Variants in DGKB observed in about 807,000 individuals in gnomAD.
DGKB encodes diacylglycerol kinase beta.
A neutral mutation model predicts 114.3 loss-of-function variants in DGKB; 67 were observed. That is an observed-to-expected ratio of 0.59 (90% CI 0.48 to 0.72). The LOEUF (loss-of-function observed/expected upper bound fraction) is 0.72, where lower values mean the gene tolerates loss of function less well. Among genes scored for constraint, DGKB ranks in the 30% least tolerant of loss-of-function variants. The pLI is 0.00. For synonymous variants in DGKB, 398 were observed against 323.1 expected, an observed-to-expected ratio of 1.23 and a Z score of -2.49; for missense variants, 907 against 975.2, an observed-to-expected ratio of 0.93 and a Z score of 0.93.
chr7:14,928,397 C>A (rs1166673718), intron 1 of DGKB, among the ~76,000 whole-genome samples: 2 of 151,898 alleles, frequency 1.3e-5, no homozygotes, highest in African/African-American at 4.8e-5. Context: ...AAATATATAT[C>A]TTGTTTCCTC....
intron 1 of DGKB, among the ~76,000 whole-genome samples, chr7:14,872,554 T>A: frequency 6.6e-6 from 1 of 152,284 alleles, no homozygotes; most frequent in Admixed American, 6.5e-5. Flanking sequence ...GGATAAATTT[T>A]GGTTAAACGA....
At chr7:14,622,132 C>T (rs1413031138) in intron 14 of DGKB, among the ~76,000 whole-genome samples, 5 of 152,034 alleles carry the variant, frequency 3.3e-5, no homozygotes, top group African/African-American at 4.8e-5. Context: ...CACCAATGAC[C>T]GTCTCAGTTT....
At chr7:14,444,880 T>C (rs964895077) in intron 21 of DGKB, among the ~76,000 whole-genome samples, 1 of 151,856 alleles carries the variant, frequency 6.6e-6, no homozygotes, top group African/African-American at 2.4e-5. Context: ...ATATAAATAA[T>C]ATACTGTCAA....
intron 23 of DGKB, among the ~76,000 whole-genome samples, chr7:14,284,646 T>A (rs898493547): frequency 6.8e-6 from 1 of 147,350 alleles, no homozygotes; most frequent in Non-Finnish European, 1.5e-5. Flanking sequence ...ATTAAGAAAA[T>A]GTGGCACATA....
At chr7:14,154,140 T>G (rs979401589) in intron 25 of DGKB, among the ~76,000 whole-genome samples, 1 of 147,728 alleles carries the variant, frequency 6.8e-6, no homozygotes, top group Non-Finnish European at 1.5e-5. Context: ...ACAAAAGGAG[T>G]GTGGATAATA....
At chr7:14,187,327 C>T (rs1389660418) in intron 23 of DGKB, among the ~76,000 whole-genome samples, 1 of 152,136 alleles carries the variant, frequency 6.6e-6, no homozygotes. Context: ...CAGATAGCCA[C>T]AGGCCTGCTT....
intron 2 of DGKB, 28 bp from the exon 3 acceptor site, chr7:14,757,759 G>A (rs1835099951): frequency 7.5e-7 from 1 of 1,334,554 alleles, no homozygotes; most frequent in Non-Finnish European, 1.1e-6. Context: ...CACAAAAATT[G>A]TTTATATGCA....
At chr7:14,488,106 T>C (rs1784092759) in intron 20 of DGKB, among the ~76,000 whole-genome samples, 1 of 152,132 alleles carries the variant, frequency 6.6e-6, no homozygotes, top group Non-Finnish European at 1.5e-5. Context: ...AGATTTTAAT[T>C]AAGTTTTAAT....
intron 2 of DGKB, chr7:14,814,129 G>C (rs569357417): frequency 2.0e-5 from 3 of 152,282 alleles, no homozygotes; most frequent in East Asian, 3.9e-4. Flanking sequence ...AAGCCAACTA[G>C]AGACTGGTTC....
At chr7:14,804,598 A>G (rs1217709009) in intron 2 of DGKB, among the ~76,000 whole-genome samples, 1 of 151,802 alleles carries the variant, frequency 6.6e-6, no homozygotes, top group Non-Finnish European at 1.5e-5. Context: ...TAATCTTTCA[A>G]ATATCAACTC....
intron 25 of DGKB, among the ~76,000 whole-genome samples, chr7:14,167,210 C>CAAAA (rs34278386): frequency 0.36 from 35,135 of 98,762 alleles, 6,603 homozygotes; most frequent in South Asian, 0.47. Context: ...GACTCCATCT[C>CAAAA]AAAAAAAAAA....
chr7:14,183,358 G>A (rs1782918052), intron 23 of DGKB, among the ~76,000 whole-genome samples: 1 of 152,084 alleles, frequency 6.6e-6, no homozygotes, highest in African/African-American at 2.4e-5. Context: ...TAACCCAGAA[G>A]ACATAAATTT....
At chr7:14,543,175 C>T (rs1455012959) in intron 20 of DGKB, among the ~76,000 whole-genome samples, 2 of 152,146 alleles carry the variant, frequency 1.3e-5, no homozygotes, top group African/African-American at 4.8e-5. Context: ...CATGGCCAGG[C>T]ATAGTGGCTC....
chr7:14,470,550 AAC>A (rs1261592828), intron 21 of DGKB, among the ~76,000 whole-genome samples: 1 of 151,872 alleles, frequency 6.6e-6, no homozygotes, highest in Non-Finnish European at 1.5e-5. Flanking sequence ...CTCCTGAAAT[AAC>A]AGTTTAATTC....
At chr7:14,287,611 T>C (rs546214349) in intron 23 of DGKB, among the ~76,000 whole-genome samples, 122 of 152,248 alleles carry the variant, frequency 8.0e-4, no homozygotes, top group African/African-American at 2.8e-3. Context: ...GTATCTGTGG[T>C]TAATGTGATA....
chr7:14,202,104 C>T (rs1011408264), intron 23 of DGKB, among the ~76,000 whole-genome samples: 1 of 151,978 alleles, frequency 6.6e-6, no homozygotes, highest in African/African-American at 2.4e-5. Flanking sequence ...AATGGATTAT[C>T]TATAATGTGA....
intron 20 of DGKB, among the ~76,000 whole-genome samples, chr7:14,502,896 C>T (rs573263381): frequency 6.6e-6 from 1 of 152,074 alleles, no homozygotes; most frequent in South Asian, 2.1e-4. Context: ...TTCCCATTCA[C>T]CTACTCCTCT....
chr7:14,769,224 GAGAGAGAA>G (rs1335414287), intron 2 of DGKB, among the ~76,000 whole-genome samples: 6 of 102,960 alleles, frequency 5.8e-5, no homozygotes, highest in Non-Finnish European at 1.1e-4. Flanking sequence ...AAGAGAAAGA[GAGAGAGAA>G]AGAAAGAAAG....
In DGKB at chr7:14,215,494, TAATA is replaced by T. The variant is rs530439248; in HGVS notation, c.2123-37347_2123-37344del. Among the ~76,000 whole-genome samples, 312 of 152,222 alleles carry T rather than the reference TAATA, an allele frequency of 2.0e-3. 1 individual carries two copies. Among genetic ancestry groups the T allele is most frequent in the Non-Finnish European group, 2.9e-3 (200 of 68,016 alleles). ...TGTCATGTAGATGTATTCCAAATAA[TAATA>T]AAGATGGTAATAATAGTAAAAATAA... On this transcript the variant is annotated intron_variant, in intron 23 of 25. Coordinates refer to ENST00000402815, the MANE Select transcript of DGKB (RefSeq NM_001350709.2).
Sources: allele counts gnomAD v4.1 joint callset (sites outside exome capture counted in the v4.1 genomes callset), GRCh38; gene constraint gnomAD v4.1.1; transcripts MANE v1.5; gene names NCBI Gene and HGNC (gene_info 2026-07-23, HGNC 2026-07-21).